Variants in FXN observed in about 807,000 individuals in gnomAD.
FXN encodes the protein frataxin, mitochondrial.
A neutral mutation model predicts 22.4 loss-of-function variants in FXN; 14 were observed. The ratio of observed to expected loss-of-function variants is 0.62; its 90% CI spans 0.41 to 0.98. FXN has a LOEUF of 0.98. Ranked by LOEUF, FXN falls within the 50% of genes least tolerant of loss-of-function variation. The pLI is 0.00. For synonymous variants in FXN, 120 were observed against 114.1 expected (o/e 1.05, Z -0.33); for missense variants, 267 against 268.4 (o/e 0.99, Z 0.04).
chr9:69,072,483 A>ATT, intron 4 of FXN, 129 bp from the exon 5 acceptor site: 1 of 1,088,702 alleles, frequency 9.2e-7, no homozygotes, highest in South Asian at 1.7e-5. Flanking sequence ...GCAGATATAC[A>ATT]CTAGCTCATT....
intron 4 of FXN, among the ~76,000 whole-genome samples, chr9:69,070,439 T>C (rs1484432869): frequency 6.6e-6 from 1 of 152,146 alleles, no homozygotes; most frequent in African/African-American, 2.4e-5. Context: ...AGGGGGACCA[T>C]GGGCCACCAG....
chr9:69,053,744 G>A (rs773510858), intron 3 of FXN, among the ~76,000 whole-genome samples: 3 of 152,128 alleles, frequency 2.0e-5, no homozygotes, highest in South Asian at 2.1e-4. Flanking sequence ...AACTAGACCC[G>A]TAGTTCTTCA....
chr9:69,073,490 G>GA lies in FXN; in HGVS notation c.*735dup, dbSNP rs1044598826. ...AAATCTTCCAAAGACAAGAAAAGAG[G>GA]AAAAAAAGCCGTTTTCATGAGCTGA... On this transcript the variant is annotated 3_prime_UTR_variant, in exon 5 of 5. Transcript: ENST00000484259. 4.1e-5 allele frequency: 40 copies of GA among 985,278 alleles called. No individual in the cohort carries two copies. The African/African-American group carries it at 6.1e-4, about 15-fold the overall frequency. 61.0% of individuals were successfully genotyped at this position (985,278 alleles called of 1,614,324 possible).
intron 2 of FXN, among the ~76,000 whole-genome samples, chr9:69,048,333 G>A (rs556584116): frequency 3.3e-5 from 5 of 152,154 alleles, no homozygotes; most frequent in African/African-American, 7.2e-5. Context: ...GGCTGAGTGC[G>A]GTGGCTCACG....
intron 3 of FXN, among the ~76,000 whole-genome samples, chr9:69,060,164 C>G (rs59987304): frequency 0.011 from 1,731 of 152,162 alleles, 39 homozygotes; most frequent in African/African-American, 0.038. Flanking sequence ...GTCAGGAGAT[C>G]GAGACCATTC....
chr9:69,051,331 C>G (rs1165772985), intron 2 of FXN, among the ~76,000 whole-genome samples: 1 of 152,126 alleles, frequency 6.6e-6, no homozygotes, highest in Non-Finnish European at 1.5e-5. Flanking sequence ...ATCCTTCTCC[C>G]TTGGCCTCCC....
chr9:69,035,800 C>T lies in FXN; in HGVS notation c.18C>T (p.Arg6=), dbSNP rs916375094. Residue 6 remains arginine (R), a synonymous_variant, in exon 1 of 5, where the codon CGC becomes CGT. Coordinates refer to ENST00000484259, the MANE Select transcript of FXN (RefSeq NM_000144.5). The part of the protein sequence containing the change: MWTLG[R]RAVAGLLASP... The stretch of plus-strand genomic sequence containing the variant: ...GGAGCAGCATGTGGACTCTCGGGCG[C>T]CGCGCAGTAGCCGGCCTCCTGGCGT... The T allele has an allele frequency of 2.0e-6, 3 of 1,510,864 alleles. No homozygotes were observed. Among genetic ancestry groups the T allele is most frequent in the East Asian group, 2.6e-5 (1 of 38,522 alleles). The allele number at this position is 1,510,864 out of a possible 1,614,324, so 93.6% of individuals were successfully genotyped here.
intron 4 of FXN, among the ~76,000 whole-genome samples, chr9:69,070,858 A>G (rs1283924717): frequency 1.3e-5 from 2 of 150,354 alleles, no homozygotes; most frequent in African/African-American, 2.5e-5. Context: ...TTTTGTCAAC[A>G]TGGGGTCTCA....
intron 1 of FXN, among the ~76,000 whole-genome samples, chr9:69,040,616 C>T (rs1315755035): frequency 1.3e-4 from 20 of 152,002 alleles, no homozygotes; most frequent in Non-Finnish European, 2.1e-4. Flanking sequence ...TGCAGTGATC[C>T]GAGATCGTGC....
chr9:69,039,670 T>C (rs1831621183), intron 1 of FXN, among the ~76,000 whole-genome samples: 2 of 152,136 alleles, frequency 1.3e-5, no homozygotes, highest in Non-Finnish European at 1.5e-5. Context: ...TTAGTCCATT[T>C]GATGGAGGGA....
At chr9:69,067,942 CAG>C (rs1456343475) in intron 4 of FXN, among the ~76,000 whole-genome samples, 1 of 152,152 alleles carries the variant, frequency 6.6e-6, no homozygotes. Flanking sequence ...AACAAGAAAA[CAG>C]GGCCCAAAAT....
chr9:69,069,869 C>T (rs1414510830), intron 4 of FXN, among the ~76,000 whole-genome samples: 6 of 152,198 alleles, frequency 3.9e-5, no homozygotes, highest in Admixed American at 3.9e-4. Flanking sequence ...CCCATGACCA[C>T]TACATGAAGA....
chr9:69,062,072 G>A (rs1243635961), intron 3 of FXN, among the ~76,000 whole-genome samples: 2 of 152,160 alleles, frequency 1.3e-5, no homozygotes, highest in Admixed American at 6.6e-5. Flanking sequence ...TGCACACTTT[G>A]TGAAATACTA....
Position 69,077,483 on chromosome 9 carries a change from A to G in FXN, c.*4721A>G. The G allele has an allele frequency of 1.0e-6, 1 of 985,458 alleles. No homozygotes were observed. Among genetic ancestry groups the G allele is most frequent in the African/African-American group, 1.7e-5 (1 of 57,358 alleles). 61.0% of individuals were successfully genotyped at this position (985,458 alleles called of 1,614,324 possible). A position where few individuals can be genotyped will look rare whatever the true frequency, so the allele number is the denominator to read the frequency against. On this transcript the variant is annotated 3_prime_UTR_variant, in exon 5 of 5. Coordinates refer to ENST00000484259, the MANE Select transcript of FXN (RefSeq NM_000144.5). ...AGGAAAACATCAGCACCCAGCAGTA[A>G]AATTGGCTCTCAAAGATTTTCTTCT...
intron 1 of FXN, among the ~76,000 whole-genome samples, chr9:69,045,702 G>C (rs774586012): frequency 6.6e-5 from 10 of 152,166 alleles, no homozygotes; most frequent in Non-Finnish European, 1.3e-4. Flanking sequence ...GCAAGGCCTG[G>C]TACCAAAAAA....
Position 69,075,855 on chromosome 9 carries a change from C to T in FXN, c.*3093C>T, listed in dbSNP as rs1045864244. The T allele has an allele frequency of 1.9e-6, 1 of 538,978 alleles. No individual in the cohort carries two copies. Among genetic ancestry groups the T allele is most frequent in the South Asian group, 8.1e-5 (1 of 12,304 alleles). The allele number at this position is 538,978 out of a possible 1,614,324, so 33.4% of individuals were successfully genotyped here. ...TGGGCAATCCTCCCACAGGTGTGCA[C>T]CTCCATAGCTGGCTAATTTGTGTAT... On this transcript the variant is annotated 3_prime_UTR_variant, in exon 5 of 5. Transcript: ENST00000484259.
At chr9:69,047,222 A>T (rs1311663047) in intron 2 of FXN, among the ~76,000 whole-genome samples, 1 of 152,096 alleles carries the variant, frequency 6.6e-6, no homozygotes. Flanking sequence ...AAGAGAGCCA[A>T]CCGATGCCCA....
intron 3 of FXN, among the ~76,000 whole-genome samples, chr9:69,062,007 G>A (rs1832082176): frequency 1.3e-5 from 2 of 152,158 alleles, no homozygotes; most frequent in African/African-American, 4.8e-5. Flanking sequence ...ATTAACGGGT[G>A]CGGGGTTTCT....
Position 69,053,120 on chromosome 9 carries a change from G to A in FXN, c.264-20G>A, listed in dbSNP as rs778386401. The A allele has an allele frequency of 1.3e-4, 202 of 1,612,918 alleles. No homozygotes were observed. Among genetic ancestry groups the A allele is most frequent in the Non-Finnish European group, 1.6e-4 (192 of 1,179,678 alleles). ...GAAGCATTTGGTAATCATGTTTTGG[G>A]TTTTGTGCTTCCTCTGCAGCTCTCT... is the stretch of plus-strand genomic sequence containing the variant. On this transcript the variant is annotated intron_variant, in intron 2 of 4. Coordinates refer to ENST00000484259, the MANE Select transcript of FXN (RefSeq NM_000144.5).
Sources: gnomAD v4.1 joint callset for allele counts (sites outside exome capture counted in the v4.1 genomes callset) on GRCh38, gnomAD v4.1.1 for gene constraint, MANE v1.5 for transcripts, NCBI Gene and HGNC (gene_info 2026-07-23, HGNC 2026-07-21) for gene names.